GSG1L: variants seen among roughly 807,000 people sequenced by gnomAD.
The protein encoded by GSG1L is germ cell-specific gene 1-like protein.
Under a neutral mutation model 42.1 loss-of-function variants are expected in GSG1L, and 24 were observed. That is an observed-to-expected ratio of 0.57 (90% confidence interval 0.41 to 0.80). GSG1L has a LOEUF of 0.80. Ranked by LOEUF, GSG1L falls within the 30% of genes least tolerant of loss-of-function variation. The pLI, the probability that GSG1L is intolerant of heterozygous loss-of-function variation, is 0.00. For synonymous variants in GSG1L, 215 were observed against 203.5 expected, an observed-to-expected ratio of 1.06 and a Z score of -0.48; for missense variants, 445 against 472.2, an observed-to-expected ratio of 0.94 and a Z score of 0.53.
At chr16:27,793,143 G>A (rs1368470202) in intron 6 of GSG1L, among the ~76,000 whole-genome samples, 1 of 152,200 alleles carries the variant, frequency 6.6e-6, no homozygotes, top group African/African-American at 2.4e-5. Flanking sequence ...TGCCTCTAAG[G>A]ATGGAGATCT....
intron 2 of GSG1L, among the ~76,000 whole-genome samples, chr16:27,926,512 AAAAAAAAC>A (rs1284460276): frequency 1.8e-4 from 13 of 72,020 alleles, no homozygotes; most frequent in Middle Eastern, 7.0e-3. Context: ...GTGCTGAAAA[AAAAAAAAC>A]AAAAAAACAA....
chr16:27,798,122 G>C (rs528710896), intron 6 of GSG1L, among the ~76,000 whole-genome samples: 1 of 152,256 alleles, frequency 6.6e-6, no homozygotes, highest in East Asian at 1.9e-4. Flanking sequence ...CCCAACCTGA[G>C]CATTATGCAA....
intron 1 of GSG1L, among the ~76,000 whole-genome samples, chr16:28,030,778 T>TGGGATGGGATGGGATGGGATGGGAG (rs2085950034): frequency 1.6e-5 from 2 of 126,662 alleles, no homozygotes; most frequent in Non-Finnish European, 1.6e-5. Context: ...TGGGATGGGA[T>TGGGATGGGATGGGATGGGATGGGAG]GGGATGGGAT....
chr16:27,899,962 C>T (rs1356542714), intron 2 of GSG1L, among the ~76,000 whole-genome samples: 1 of 152,228 alleles, frequency 6.6e-6, no homozygotes, highest in Non-Finnish European at 1.5e-5. Flanking sequence ...CAAGACCAGG[C>T]AGGCTTCAGC....
At chr16:27,815,621 G>A (rs187059949) in intron 5 of GSG1L, among the ~76,000 whole-genome samples, 66 of 152,294 alleles carry the variant, frequency 4.3e-4, no homozygotes, top group Admixed American at 3.9e-3. Context: ...CACCCCAGAC[G>A]TGTCACATCC....
chr16:27,873,069 T>A (rs550790347), intron 3 of GSG1L, among the ~76,000 whole-genome samples: 1 of 152,336 alleles, frequency 6.6e-6, no homozygotes, highest in Non-Finnish European at 1.5e-5. Context: ...AACCCTCTCT[T>A]CGGGTCTGGA....
At chr16:27,973,372 A>T (rs896740167) in intron 1 of GSG1L, among the ~76,000 whole-genome samples, 5 of 124,642 alleles carry the variant, frequency 4.0e-5, no homozygotes, top group Non-Finnish European at 6.3e-5. Context: ...TGAACCCCGG[A>T]GGTGGAGGTT....
rs146672722 is a variant in GSG1L at position 27,910,760 on chromosome 16, C to T, written c.398-26122G>A. On this transcript the variant is annotated intron_variant, in intron 2 of 6. Coordinates refer to ENST00000447459, the MANE Select transcript of GSG1L (RefSeq NM_001109763.2). ...TGGGTGTGGTGGCTCTCACCTGTAA[C>T]GCCAGCACTTTGGGAGGCCAAGGCA... Among the ~76,000 whole-genome samples the T allele has an allele frequency of 3.1e-3, 475 of 152,300 alleles. 2 individuals are homozygous for T. Among genetic ancestry groups the T allele is most frequent in the African/African-American group, 0.011 (445 of 41,550 alleles).
chr16:27,883,818 C>T (rs1009802129), intron 3 of GSG1L, among the ~76,000 whole-genome samples: 2 of 152,152 alleles, frequency 1.3e-5, no homozygotes, highest in African/African-American at 4.8e-5. Context: ...GGGCACCTGC[C>T]CACCAAATCT....
chr16:27,900,189 T>C (rs554979990), intron 2 of GSG1L, among the ~76,000 whole-genome samples: 42 of 152,132 alleles, frequency 2.8e-4, no homozygotes, highest in Non-Finnish European at 2.5e-4. Flanking sequence ...GAACCCCAAA[T>C]TGAACCTGCG....
At chr16:27,990,896 G>A (rs1332308264) in intron 1 of GSG1L, among the ~76,000 whole-genome samples, 1 of 152,034 alleles carries the variant, frequency 6.6e-6, no homozygotes, top group Non-Finnish European at 1.5e-5. Context: ...TTGTGCACAT[G>A]TACCCTAAAA....
At chr16:27,988,753 GA>G (rs34644311) in intron 1 of GSG1L, among the ~76,000 whole-genome samples, 28 of 142,960 alleles carry the variant, frequency 2.0e-4, no homozygotes, top group Non-Finnish European at 3.4e-4. Flanking sequence ...CTGCAATTAA[GA>G]AAAAAAAAAA....
At chr16:27,917,937 G>A (rs2084477497) in intron 2 of GSG1L, among the ~76,000 whole-genome samples, 1 of 151,370 alleles carries the variant, frequency 6.6e-6, no homozygotes, top group Non-Finnish European at 1.5e-5. Context: ...CAGCTCTTGG[G>A]ACCAAAAAAA....
intron 1 of GSG1L, among the ~76,000 whole-genome samples, chr16:27,976,660 C>T (rs1047157820): frequency 2.0e-5 from 3 of 152,222 alleles, no homozygotes; most frequent in Non-Finnish European, 4.4e-5. Flanking sequence ...ACACCTGCCA[C>T]GAGGCAGCAG....
intron 5 of GSG1L, among the ~76,000 whole-genome samples, chr16:27,818,956 A>G (rs2083123586): frequency 6.6e-6 from 1 of 152,188 alleles, no homozygotes; most frequent in African/African-American, 2.4e-5. Context: ...CTGGGTTTTA[A>G]AAAGAGACCT....
intron 1 of GSG1L, among the ~76,000 whole-genome samples, chr16:28,055,337 TG>T (rs912396721): frequency 1.3e-4 from 20 of 151,958 alleles, no homozygotes; most frequent in African/African-American, 4.8e-4. Context: ...TTAATTTTTT[TG>T]TAGAGATGGG....
intron 1 of GSG1L, among the ~76,000 whole-genome samples, chr16:27,991,018 A>G (rs1486960028): frequency 6.6e-6 from 1 of 152,250 alleles, no homozygotes; most frequent in Non-Finnish European, 1.5e-5. Context: ...GCTCCACCTT[A>G]TGCAAATAAT....
intron 2 of GSG1L, among the ~76,000 whole-genome samples, chr16:27,895,413 A>G (rs967134591): frequency 3.9e-5 from 6 of 152,074 alleles, no homozygotes; most frequent in African/African-American, 1.2e-4. Flanking sequence ...TTGTCTCCCT[A>G]TACGACGAAA....
chr16:27,938,248 G>C (rs2084742249), intron 2 of GSG1L, among the ~76,000 whole-genome samples: 1 of 152,000 alleles, frequency 6.6e-6, no homozygotes, highest in South Asian at 2.1e-4. Flanking sequence ...TTTATTATTA[G>C]GTTGGGGCAC....
Sources: allele counts gnomAD v4.1 joint callset (sites outside exome capture counted in the v4.1 genomes callset), GRCh38; gene constraint gnomAD v4.1.1; transcripts MANE v1.5; gene names NCBI Gene and HGNC (gene_info 2026-07-23, HGNC 2026-07-21).